DARS2: variants seen among roughly 807,000 people sequenced by gnomAD.
The protein encoded by DARS2 is aspartate--tRNA ligase, mitochondrial.
A neutral mutation model predicts 83.0 loss-of-function variants in DARS2; 63 were observed. The observed-to-expected ratio is 0.76, with a 90% CI of 0.62 to 0.94. The LOEUF (loss-of-function observed/expected upper bound fraction) is 0.94. Among genes scored for constraint, DARS2 ranks in the 40% least tolerant of loss-of-function variants. The pLI, the probability that DARS2 is intolerant of heterozygous loss-of-function variation, is 0.00. For missense variants in DARS2, 675 were observed against 774.4 expected (o/e 0.87, Z 1.52); for synonymous variants, 250 against 269.3 (o/e 0.93, Z 0.70).
intron 7 of DARS2, among the ~76,000 whole-genome samples, chr1:173,836,312 C>T (rs972766844): frequency 8.6e-5 from 13 of 151,952 alleles, no homozygotes; most frequent in South Asian, 2.1e-4. Flanking sequence ...GAGGCCAAGG[C>T]GGGCAGATCA....
intron 1 of DARS2, 49 bp downstream of exon 1, chr1:173,825,405 A>G (rs1236458885): frequency 6.3e-7 from 1 of 1,586,458 alleles, no homozygotes; most frequent in Non-Finnish European, 8.6e-7. Context: ...TCAGCCTGTT[A>G]TCTACGGCCG....
chr1:173,845,322 T>C, intron 12 of DARS2, 31 bp downstream of exon 12: 1 of 1,458,534 alleles, frequency 6.9e-7, no homozygotes, highest in Non-Finnish European at 9.6e-7. Context: ...GTTTTTTTCC[T>C]TATACAGATT....
Position 173,831,541 on chromosome 1 carries a change from C to G in DARS2, c.403C>G (p.Pro135Ala). The change falls in exon 5 of 17, where the codon CCA (proline) becomes GCA (alanine). Residue 135 changes from proline (P) to alanine (A), a missense_variant. By Grantham distance (27) the Pro-to-Ala change is conservative. Transcript: ENST00000649689. ...TTCCTTCTCACTCTCCAAGAAAATGCCAACAGGTGAGATTGAAATCAAAGT... is the reference window on the plus strand; with the variant it reads ...TTCCTTCTCACTCTCCAAGAAAATGGCAACAGGTGAGATTGAAATCAAAGT... ...RPAGQENPKM[P>A]TGEIEIKVKT... is the part of the protein sequence containing the mutation. 6.2e-7 allele frequency: 1 copy of G among 1,613,010 alleles called. No individual in the cohort carries two copies. Among genetic ancestry groups the G allele is most frequent in the Non-Finnish European group, 8.5e-7 (1 of 1,179,020 alleles).
At position 173,839,387 on chromosome 1, in the gene DARS2, T is replaced by A; in HGVS notation, c.861T>A (p.Phe287Leu). ...TTCAGATTGACATAGAGATGTCATTTGTAGACCAGACTGGGATCCAGAGTT... is the reference window on the plus strand; with the variant it reads ...TTCAGATTGACATAGAGATGTCATTAGTAGACCAGACTGGGATCCAGAGTT... ...EFTQIDIEMSFVDQTGIQSLI... is the reference protein window; with the variant it reads ...EFTQIDIEMSLVDQTGIQSLI... Residue 287 changes from phenylalanine to leucine, a missense_variant, in exon 10 of 17, where the codon TTT (phenylalanine) becomes TTA (leucine). Coordinates refer to ENST00000649689, the MANE Select transcript of DARS2 (RefSeq NM_018122.5). 6.2e-7 allele frequency: 1 copy of A among 1,614,194 alleles called. No individual in the cohort carries two copies. The highest frequency in any genetic ancestry group is 8.5e-7 in the Non-Finnish European group (1 of 1,180,026).
Position 173,839,455 on chromosome 1 carries a change from A to T in DARS2, c.929A>T (p.Asp310Val). The T allele has an allele frequency of 6.2e-7, 1 of 1,614,108 alleles. No individual in the cohort carries two copies. Among genetic ancestry groups the T allele is most frequent in the Non-Finnish European group, 8.5e-7 (1 of 1,179,994 alleles). The change falls in exon 10 of 17, where the codon GAT becomes GTT. Residue 310 changes from aspartate (D) to valine (V), a missense_variant. Transcript: ENST00000649689. ...CAGTATTCCTGGCCCAATGACAAAG[A>T]TCCTGTGGTTGTTCCTTTTCCTACT... The part of the protein sequence containing the change: ...LLQYSWPNDK[D>V]PVVVPFPTMT...
chr1:173,849,745 A>C (rs1021766777), intron 12 of DARS2, among the ~76,000 whole-genome samples: 6 of 152,018 alleles, frequency 3.9e-5, no homozygotes, highest in African/African-American at 1.5e-4. Flanking sequence ...TTGCTTCTTT[A>C]ATCATTCCTA....
At chr1:173,833,324 C>A (rs1432987279) in intron 5 of DARS2, 52 bp from the exon 6 acceptor site, 19 of 1,474,082 alleles carry the variant, frequency 1.3e-5, no homozygotes, top group Non-Finnish European at 1.6e-5. Flanking sequence ...AAAGATAATA[C>A]CTTTCTAATA....
intron 12 of DARS2, among the ~76,000 whole-genome samples, chr1:173,848,539 G>A (rs1190411881): frequency 6.6e-6 from 1 of 152,214 alleles, no homozygotes; most frequent in Admixed American, 6.5e-5. Context: ...TAATTTAAAT[G>A]TAAATAGCAA....
At chr1:173,826,539 A>C in intron 1 of DARS2, 148 bp from the exon 2 acceptor site, 1 of 630,810 alleles carries the variant, frequency 1.6e-6, no homozygotes, top group African/African-American at 1.8e-5. Context: ...ATTAAATTAC[A>C]TACTCTGACT....
intron 11 of DARS2, among the ~76,000 whole-genome samples, chr1:173,844,428 G>A (rs1653339853): frequency 6.6e-6 from 1 of 152,002 alleles, no homozygotes; most frequent in African/African-American, 2.4e-5. Flanking sequence ...CCAGCACTTT[G>A]GGAGGCCGAG....
intron 12 of DARS2, among the ~76,000 whole-genome samples, chr1:173,848,056 T>G (rs1009239772): frequency 6.6e-6 from 1 of 152,104 alleles, no homozygotes; most frequent in African/African-American, 2.4e-5. Context: ...GGTTTCGCTG[T>G]GTTAGCCAGG....
chr1:173,845,661 G>C (rs555032510), intron 12 of DARS2, among the ~76,000 whole-genome samples: 8 of 152,002 alleles, frequency 5.3e-5, no homozygotes, highest in Non-Finnish European at 4.4e-5. Context: ...CCTGGGGGTC[G>C]AGGCTACAGT....
chr1:173,852,084 G>A lies in DARS2; in HGVS notation c.1345-1265G>A, dbSNP rs1240917470. 6 of 985,392 alleles carry A rather than the reference G, an allele frequency of 6.1e-6. No individual in the cohort carries two copies. The African/African-American group carries it at 8.7e-5, about 14-fold the overall frequency. 61.0% of individuals were successfully genotyped at this position (985,392 alleles called of 1,614,324 possible). The stretch of plus-strand genomic sequence containing the variant: ...CCTACAAGGCCTTCCTTGAAAGAGA[G>A]CTAGAAACCAGACTTTCGAGGAATA... On this transcript the variant is annotated intron_variant, in intron 13 of 16. Transcript: ENST00000649689.
In DARS2 at chr1:173,850,453, C is replaced by T. The variant is rs764570842; in HGVS notation, c.1318C>T (p.Leu440=). ...METQEEDVVL[L]TAGEHNKACS... is the part of the protein sequence containing the mutation. ...GACCCAAGAGGAAGATGTGGTCCTA[C>T]TAACTGCTGGAGAGCACAATAAAGC... Residue 440 remains leucine (L), a synonymous_variant, in exon 13 of 17, where the codon CTA becomes TTA. Coordinates refer to ENST00000649689, the MANE Select transcript of DARS2 (RefSeq NM_018122.5). 25 of 1,613,890 alleles carry T rather than the reference C, an allele frequency of 1.5e-5. No individual in the cohort carries two copies. Among genetic ancestry groups the T allele is most frequent in the Non-Finnish European group, 1.9e-5 (22 of 1,179,966 alleles).
At chr1:173,830,784 G>A in intron 4 of DARS2, 23 bp downstream of exon 4, 1 of 1,600,464 alleles carries the variant, frequency 6.2e-7, no homozygotes, top group Non-Finnish European at 8.6e-7. Flanking sequence ...GAAGATATCT[G>A]TGTAATTTTT....
chr1:173,843,547 G>A (rs1483277953), intron 11 of DARS2, among the ~76,000 whole-genome samples: 4 of 152,120 alleles, frequency 2.6e-5, no homozygotes, highest in Non-Finnish European at 5.9e-5. Context: ...GCAACAGAGT[G>A]AGACTCCCTC....
At chr1:173,832,191 AT>A (rs1214876432) in intron 5 of DARS2, among the ~76,000 whole-genome samples, 2 of 152,218 alleles carry the variant, frequency 1.3e-5, no homozygotes, top group Non-Finnish European at 2.9e-5. Flanking sequence ...CTATTAACAG[AT>A]TTTTAATTAG....
At chr1:173,834,603 C>A in intron 7 of DARS2, 84 bp downstream of exon 7, 2 of 1,070,494 alleles carry the variant, frequency 1.9e-6, no homozygotes, top group South Asian at 2.6e-5. Flanking sequence ...TTCACTTGGT[C>A]CACTTTTATT....
intron 12 of DARS2, among the ~76,000 whole-genome samples, chr1:173,847,904 G>A (rs1653498037): frequency 7.2e-6 from 1 of 138,436 alleles, no homozygotes; most frequent in Admixed American, 7.8e-5. Context: ...CCAGGCTGGA[G>A]TGCAGTGGTG....
Sources: gnomAD v4.1 joint callset for allele counts (sites outside exome capture counted in the v4.1 genomes callset) on GRCh38, gnomAD v4.1.1 for gene constraint, MANE v1.5 for transcripts, NCBI Gene and HGNC (gene_info 2026-07-23, HGNC 2026-07-21) for gene names.